LUZP1: variants seen among roughly 807,000 people sequenced by gnomAD.
LUZP1 encodes the protein leucine zipper protein 1.
Under a neutral mutation model 71.3 loss-of-function variants are expected in LUZP1, and 25 were observed. The ratio of observed to expected loss-of-function variants is 0.35; its 90% CI spans 0.26 to 0.49. The LOEUF (loss-of-function observed/expected upper bound fraction) is 0.49, where lower values mean the gene tolerates loss of function less well. LUZP1 is among the 20% of genes least tolerant of loss of function. LUZP1 has a pLI of 0.99. For synonymous variants in LUZP1, 481 were observed against 506.4 expected (o/e 0.95, Z 0.67); for missense variants, 1,142 against 1,300.8 (o/e 0.88, Z 1.88).
chr1:23,177,075 G>C lies in LUZP1; in HGVS notation c.-485+416C>G, dbSNP rs1211233692. Among the ~76,000 whole-genome samples, 4 of 54,040 alleles carry C rather than the reference G, an allele frequency of 7.4e-5. No homozygotes were observed. The East Asian group carries it at 1.2e-3, about 16-fold the overall frequency. 35.5% of individuals were successfully genotyped at this position (54,040 alleles called of 152,430 possible). On this transcript the variant is annotated intron_variant, in intron 1 of 4. Transcript: ENST00000302291. ...TTTTAAATTTTCTGTAAGGATGATGGGGGGGGGGTCTCACTATGTTTCCCA... is the reference window on the plus strand; with the variant it reads ...TTTTAAATTTTCTGTAAGGATGATGCGGGGGGGGTCTCACTATGTTTCCCA...
chr1:23,129,066 G>T (rs1045304081), intron 2 of LUZP1, among the ~76,000 whole-genome samples: 1 of 152,164 alleles, frequency 6.6e-6, no homozygotes, highest in African/African-American at 2.4e-5. Flanking sequence ...TGCATTTATC[G>T]ATGACATTGC....
intron 2 of LUZP1, among the ~76,000 whole-genome samples, chr1:23,127,268 T>C (rs1354384234): frequency 6.6e-6 from 1 of 152,216 alleles, no homozygotes; most frequent in Non-Finnish European, 1.5e-5. Context: ...CTTAGCAATT[T>C]GCAACTAATA....
chr1:23,120,665 C>T (rs536516961), intron 2 of LUZP1, among the ~76,000 whole-genome samples: 1 of 152,164 alleles, frequency 6.6e-6, no homozygotes, highest in Admixed American at 6.5e-5. Flanking sequence ...ACAATAATAC[C>T]TAATGCTTAT....
At chr1:23,108,426 C>CAG (rs56059944) in intron 3 of LUZP1, among the ~76,000 whole-genome samples, 129,376 of 152,170 alleles carry the variant, frequency 0.85, 55,315 homozygotes, top group Middle Eastern at 0.89. Context: ...CTGGACAATA[C>CAG]AGAGACCCAG....
At chr1:23,134,208 C>T (rs572345782) in intron 2 of LUZP1, among the ~76,000 whole-genome samples, 2 of 152,254 alleles carry the variant, frequency 1.3e-5, no homozygotes, top group Non-Finnish European at 2.9e-5. Flanking sequence ...AGGCCAGGCA[C>T]CGTGGCTCAC....
At chr1:23,090,011 G>T (rs755015972) in intron 4 of LUZP1, among the ~76,000 whole-genome samples, 3 of 152,126 alleles carry the variant, frequency 2.0e-5, no homozygotes, top group Non-Finnish European at 4.4e-5. Context: ...GCCTGCCTTG[G>T]CCTCCCAAAG....
At chr1:23,092,552 A>C (rs771674041) in exon 4 of LUZP1, 3 of 1,614,192 alleles carry the variant, frequency 1.9e-6, no homozygotes, top group South Asian at 1.1e-5. Context: ...AGGATCTTCG[A>C]GATGAGGCCA....
At chr1:23,141,143 G>A (rs1644299571) in intron 2 of LUZP1, 1 of 152,328 alleles carries the variant, frequency 6.6e-6, no homozygotes, top group African/African-American at 2.4e-5. Flanking sequence ...ACCCATGCGT[G>A]ACAACTAGCC....
intron 2 of LUZP1, among the ~76,000 whole-genome samples, chr1:23,136,901 G>C (rs553301313): frequency 7.9e-5 from 12 of 152,270 alleles, no homozygotes; most frequent in Admixed American, 1.3e-4. Context: ...CTGGGCGACA[G>C]AGCAAGACTC....
At chr1:23,100,458 T>C (rs1446865603) in intron 3 of LUZP1, among the ~76,000 whole-genome samples, 1 of 152,186 alleles carries the variant, frequency 6.6e-6, no homozygotes, top group Non-Finnish European at 1.5e-5. Flanking sequence ...CCTGACCTGC[T>C]GGGAAGCCCT....
rs564682228 is a variant in LUZP1 at position 23,091,931 on chromosome 1, C to T, written c.2331G>A (p.Thr777=). 1.2e-5 allele frequency: 20 copies of T among 1,614,170 alleles called. No homozygotes were observed. The East Asian group carries it at 1.8e-4, about 14-fold the overall frequency. The change falls in exon 4 of 5, where the codon ACG becomes ACA. Residue 777 remains threonine, a synonymous_variant. Transcript: ENST00000302291. ...TGGAGACGGGTTTCTGTTTCTCCAACGTAGTCTCTGTTCCAGATCCTCCCA... is the reference window on the plus strand; with the variant it reads ...TGGAGACGGGTTTCTGTTTCTCCAATGTAGTCTCTGTTCCAGATCCTCCCA...
chr1:23,103,847 G>GGAGA (rs1643953234), intron 3 of LUZP1, among the ~76,000 whole-genome samples: 1 of 3,660 alleles, frequency 2.7e-4, no homozygotes, highest in Non-Finnish European at 6.6e-4. Flanking sequence ...AGAGAGGGAG[G>GGAGA]GAGGGAGGGA....
rs778684622 is a variant in LUZP1, at chr1:23,094,685, TA to T, written c.-119-306del. 1.3e-5 allele frequency among the ~76,000 whole-genome samples: 2 copies of T among 152,196 alleles called. No homozygotes were observed. Among genetic ancestry groups the T allele is most frequent in the Non-Finnish European group, 2.9e-5 (2 of 68,038 alleles). ...ACATCATTACCATCTGCAACCTGCATAATCTCAGGAGAGTCATTAACAATGG... is the reference window on the plus strand; with the variant it reads ...ACATCATTACCATCTGCAACCTGCATATCTCAGGAGAGTCATTAACAATGG... On this transcript the variant is annotated intron_variant, in intron 3 of 4. Coordinates refer to ENST00000302291, the Ensembl canonical transcript of LUZP1. This position sits in a 1 kb window ranked among gnomAD's most constrained non-coding sequence, Gnocchi z 4.7.
intron 3 of LUZP1, among the ~76,000 whole-genome samples, chr1:23,102,702 G>A (rs925943167): frequency 1.3e-5 from 2 of 152,094 alleles, no homozygotes; most frequent in Non-Finnish European, 2.9e-5. Flanking sequence ...GCTCATGCCT[G>A]TAATCCCAGC....
chr1:23,090,986 G>C (rs1266722242), intron 4 of LUZP1: 11 of 721,538 alleles, frequency 1.5e-5, no homozygotes, highest in South Asian at 3.0e-5. Context: ...ATTGGAAAAG[G>C]GATTTTGGAA....
rs1168061874 is a variant in LUZP1, at chr1:23,091,171, G to GA, written c.3072+18dup. On this transcript the variant is annotated intron_variant, in intron 4 of 4. Coordinates refer to ENST00000302291, the Ensembl canonical transcript of LUZP1. ...AAAGGGAGGGAGAAAAGAGAGAGGGGAGAGAGGCTGGAACTCACCATGCTT... is the reference window on the plus strand; with the variant it reads ...AAAGGGAGGGAGAAAAGAGAGAGGGGAAGAGAGGCTGGAACTCACCATGCTT... 6.3e-7 allele frequency: 1 copy of GA among 1,579,830 alleles called. No individual in the cohort carries two copies. Among genetic ancestry groups the GA allele is most frequent in the African/African-American group, 1.4e-5 (1 of 73,898 alleles).
intron 2 of LUZP1, among the ~76,000 whole-genome samples, chr1:23,128,549 T>A (rs1251075538): frequency 6.6e-6 from 1 of 152,232 alleles, no homozygotes; most frequent in Non-Finnish European, 1.5e-5. Flanking sequence ...GCCAGCATTA[T>A]TAAAACCCCA....
At chr1:23,128,372 T>C (rs922322501) in intron 2 of LUZP1, among the ~76,000 whole-genome samples, 7 of 152,190 alleles carry the variant, frequency 4.6e-5, no homozygotes, top group South Asian at 2.1e-4. Context: ...AATTTATTAA[T>C]AAGTTTCAGC....
chr1:23,147,160 G>A (rs1441029523), intron 2 of LUZP1, among the ~76,000 whole-genome samples: 2 of 149,856 alleles, frequency 1.3e-5, no homozygotes, highest in Non-Finnish European at 3.0e-5. Flanking sequence ...CTTAATGCTG[G>A]CCTGGCACGG....
Sources: gnomAD v4.1 joint callset for allele counts (sites outside exome capture counted in the v4.1 genomes callset) on GRCh38, gnomAD v4.1.1 for gene constraint, Gnocchi (gnomAD v3.1) non-coding constraint, MANE v1.5 for transcripts, NCBI Gene and HGNC (gene_info 2026-07-23, HGNC 2026-07-21) for gene names.